The following CRPPA variants were observed in gnomAD, a reference collection of about 807,000 sequenced individuals.
CRPPA encodes the protein D-ribitol-5-phosphate cytidylyltransferase.
CRPPA carries 43 observed loss-of-function variants against 52.0 expected under a neutral mutation model. That is an observed-to-expected ratio of 0.83 (90% CI 0.65 to 1.07). The LOEUF (loss-of-function observed/expected upper bound fraction) is 1.07. CRPPA is among the 50% of genes least tolerant of loss of function. The pLI is 0.00. For synonymous variants in CRPPA, 250 were observed against 203.5 expected, an observed-to-expected ratio of 1.23 and a Z score of -1.94; for missense variants, 629 against 551.7, an observed-to-expected ratio of 1.14 and a Z score of -1.40.
At chr7:16,127,437 A>C (rs888526781) in intron 9 of CRPPA, among the ~76,000 whole-genome samples, 4 of 152,088 alleles carry the variant, frequency 2.6e-5, no homozygotes, top group Non-Finnish European at 4.4e-5. Flanking sequence ...AAAAGGTATA[A>C]AATAAGTACT....
intron 9 of CRPPA, among the ~76,000 whole-genome samples, chr7:16,124,418 T>A (rs1232867548): frequency 6.6e-6 from 1 of 152,178 alleles, no homozygotes; most frequent in African/African-American, 2.4e-5. Flanking sequence ...AGAATGAAAT[T>A]CTGTCACTTG....
At chr7:16,372,393 T>C (rs1456355235) in intron 3 of CRPPA, among the ~76,000 whole-genome samples, 10 of 152,210 alleles carry the variant, frequency 6.6e-5, no homozygotes, top group African/African-American at 2.2e-4. Context: ...GGTCCTATCT[T>C]TAGCCTCCTG....
At chr7:16,215,715 T>A (rs547718974) in intron 9 of CRPPA, among the ~76,000 whole-genome samples, 1 of 152,310 alleles carries the variant, frequency 6.6e-6, no homozygotes, top group East Asian at 1.9e-4. Context: ...TTTATTAGAT[T>A]TGAAATTCAA....
At chr7:16,122,467 T>G (rs923204798) in intron 9 of CRPPA, among the ~76,000 whole-genome samples, 4 of 151,954 alleles carry the variant, frequency 2.6e-5, no homozygotes, top group African/African-American at 9.7e-5. Flanking sequence ...CAATTAAAAG[T>G]CAACATGTTC....
intron 9 of CRPPA, among the ~76,000 whole-genome samples, chr7:16,143,485 A>G (rs1782912901): frequency 1.3e-5 from 2 of 152,210 alleles, no homozygotes; most frequent in South Asian, 4.1e-4. Context: ...GATCACCTGG[A>G]ATGAGGTACC....
At position 16,243,450 on chromosome 7, in the gene CRPPA, CA is replaced by C. The variant is rs551390379; in HGVS notation, c.1119+14939del. ...TAAAATAAAGTTACATCTAGCAAAA[CA>C]TAAGTATTTTATTAAGTTGGTCAAA... On this transcript the variant is annotated intron_variant, in intron 8 of 9. Coordinates refer to ENST00000407010, the MANE Select transcript of CRPPA (RefSeq NM_001101426.4). 6.6e-5 allele frequency among the ~76,000 whole-genome samples: 10 copies of C among 152,174 alleles called. No homozygotes were observed. In the East Asian group the frequency reaches 1.9e-3, roughly 29 times the overall value.
chr7:16,366,844 G>A (rs761614482), intron 3 of CRPPA, among the ~76,000 whole-genome samples: 2 of 149,930 alleles, frequency 1.3e-5, no homozygotes, highest in African/African-American at 2.4e-5. Flanking sequence ...ACGCATGACC[G>A]TGAAGAGATA....
chr7:16,208,606 C>A (rs1232597038), intron 9 of CRPPA, among the ~76,000 whole-genome samples: 1 of 152,156 alleles, frequency 6.6e-6, no homozygotes, highest in African/African-American at 2.4e-5. Context: ...CATTAGCCGT[C>A]CTCTTCTCAA....
chr7:16,130,832 A>T (rs769956801), intron 9 of CRPPA, among the ~76,000 whole-genome samples: 1 of 152,114 alleles, frequency 6.6e-6, no homozygotes, highest in Non-Finnish European at 1.5e-5. Flanking sequence ...GCTCAGTGAG[A>T]TGGTTTTTGG....
intron 6 of CRPPA, 77 bp downstream of exon 6, chr7:16,278,052 T>C (rs1199468509): frequency 2.2e-5 from 17 of 768,250 alleles, no homozygotes; most frequent in Non-Finnish European, 8.7e-6. Context: ...TATGGGTTTT[T>C]TTCCAAGAAA....
At chr7:16,097,626 T>C (rs1317469709) in intron 9 of CRPPA, among the ~76,000 whole-genome samples, 6 of 152,208 alleles carry the variant, frequency 3.9e-5, no homozygotes, top group Non-Finnish European at 4.4e-5. Context: ...TTGTGTGCGT[T>C]TGTCTTTTTG....
intron 5 of CRPPA, among the ~76,000 whole-genome samples, chr7:16,278,547 C>A (rs1464800258): frequency 1.3e-5 from 2 of 152,176 alleles, no homozygotes; most frequent in Non-Finnish European, 2.9e-5. Context: ...TCAATCTTTC[C>A]ATGTTTATAA....
chr7:16,377,859 A>G (rs1458537410), intron 2 of CRPPA, among the ~76,000 whole-genome samples: 1 of 152,160 alleles, frequency 6.6e-6, no homozygotes, highest in African/African-American at 2.4e-5. Flanking sequence ...GCAAGTGTGG[A>G]CACGAGGTTG....
intron 8 of CRPPA, among the ~76,000 whole-genome samples, chr7:16,234,851 G>A (rs546690449): frequency 2.0e-5 from 3 of 152,128 alleles, no homozygotes; most frequent in Admixed American, 6.6e-5. Context: ...AATTTTTAAG[G>A]AGAGTTTGGC....
chr7:16,345,138 A>G (rs1343761583), intron 3 of CRPPA, among the ~76,000 whole-genome samples: 1 of 152,170 alleles, frequency 6.6e-6, no homozygotes, highest in East Asian at 1.9e-4. Flanking sequence ...AACATTCACC[A>G]ATAAGATTAA....
intron 9 of CRPPA, among the ~76,000 whole-genome samples, chr7:16,165,575 G>A (rs923841205): frequency 5.3e-5 from 8 of 152,164 alleles, no homozygotes; most frequent in Non-Finnish European, 1.2e-4. Context: ...CCACACATGA[G>A]GAGAAGTCAA....
chr7:16,156,023 A>G (rs1472345858), intron 9 of CRPPA, among the ~76,000 whole-genome samples: 1 of 151,910 alleles, frequency 6.6e-6, no homozygotes, highest in East Asian at 1.9e-4. Context: ...GATACTGGAT[A>G]CATTTCATGA....
chr7:16,398,806 T>C (rs1562681690), intron 2 of CRPPA, among the ~76,000 whole-genome samples: 1 of 152,168 alleles, frequency 6.6e-6, no homozygotes, highest in African/African-American at 2.4e-5. Flanking sequence ...TTAACATGAT[T>C]GAAACGTGAC....
At chr7:16,107,620 G>C (rs929312486) in intron 9 of CRPPA, among the ~76,000 whole-genome samples, 9 of 151,994 alleles carry the variant, frequency 5.9e-5, no homozygotes, top group Non-Finnish European at 1.3e-4. Context: ...GGTAAAGCAA[G>C]TTTTTTAAAC....
Sources: gnomAD v4.1 joint callset for allele counts (sites outside exome capture counted in the v4.1 genomes callset) on GRCh38, gnomAD v4.1.1 for gene constraint, MANE v1.5 for transcripts, NCBI Gene and HGNC (gene_info 2026-07-23, HGNC 2026-07-21) for gene names.